DNAJC3: variants seen among roughly 807,000 people sequenced by gnomAD.
The protein encoded by DNAJC3 is dnaJ homolog subfamily C member 3.
In DNAJC3, 38 loss-of-function variants were observed where a neutral mutation model predicts 68.6. The observed-to-expected ratio is 0.55, with a 90% confidence interval of 0.43 to 0.73. DNAJC3 has a LOEUF of 0.73. Ranked by LOEUF, DNAJC3 falls within the 30% of genes least tolerant of loss-of-function variation. The pLI is 0.00. For synonymous variants in DNAJC3, 203 were observed against 204.0 expected, an observed-to-expected ratio of 1.00 and a Z score of 0.04; for missense variants, 526 against 591.9, an observed-to-expected ratio of 0.89 and a Z score of 1.16.
chr13:95,741,846 A>G (rs764744968), intron 4 of DNAJC3, among the ~76,000 whole-genome samples: 2 of 152,184 alleles, frequency 1.3e-5, no homozygotes, highest in Non-Finnish European at 2.9e-5. Context: ...GACTGGGCAG[A>G]GAAATCCTCA....
chr13:95,692,455 A>G (rs1349107981), intron 1 of DNAJC3: 2 of 152,030 alleles, frequency 1.3e-5, no homozygotes, highest in African/African-American at 4.8e-5. Flanking sequence ...TTGGTGCTCC[A>G]GTGTTGAGTG....
chr13:95,764,608 C>T (rs893201369), intron 9 of DNAJC3, among the ~76,000 whole-genome samples: 1 of 130,284 alleles, frequency 7.7e-6, no homozygotes, highest in African/African-American at 2.8e-5. Flanking sequence ...ATAACTACGG[C>T]GTATACAGTA....
chr13:95,753,357 G>C (rs1882546080), intron 4 of DNAJC3, among the ~76,000 whole-genome samples: 1 of 151,790 alleles, frequency 6.6e-6, no homozygotes, highest in Non-Finnish European at 1.5e-5. Context: ...TCAAATTAGT[G>C]TTATTTTTAT....
chr13:95,709,231 T>A lies in DNAJC3; in HGVS notation c.87T>A (p.Ala29=). 1 of 1,544,142 alleles carries A rather than the reference T, an allele frequency of 6.5e-7. No individual in the cohort carries two copies. Among genetic ancestry groups the A allele is most frequent in the Non-Finnish European group, 8.7e-7 (1 of 1,143,032 alleles). Residue 29 remains alanine (A), a synonymous_variant, in exon 2 of 12, where the codon GCT becomes GCA. Coordinates refer to ENST00000602402, the MANE Select transcript of DNAJC3 (RefSeq NM_006260.5). ...TGTTTTTAATTTTATTTTTAGGTGC[T>A]GAATGTGGAGTAAATGCAGATGTTG... ...LVLVDLQYEG[A]ECGVNADVEK...
chr13:95,683,676 C>T (rs1419929958), intron 1 of DNAJC3, among the ~76,000 whole-genome samples: 1 of 152,008 alleles, frequency 6.6e-6, no homozygotes, highest in East Asian at 1.9e-4. Flanking sequence ...CCTGTAATCC[C>T]AGCACTTTGG....
At position 95,789,914 on chromosome 13, in the gene DNAJC3, C is replaced by T. The variant is rs17879989; in HGVS notation, c.1358-959C>T. On this transcript the variant is annotated intron_variant, in intron 11 of 11. Transcript: ENST00000602402. ...AGCTTTTTTTCATATGATTGTTGGC[C>T]GCATATATGTCTTCTTTTGAGAAGT... 1.9e-3 allele frequency among the ~76,000 whole-genome samples: 291 copies of T among 151,878 alleles called. 6 individuals carry two copies. The highest frequency in any genetic ancestry group is 0.01 in the Middle Eastern group (3 of 294).
At position 95,709,262 on chromosome 13, in the gene DNAJC3, C is replaced by A; in HGVS notation, c.118C>A (p.His40Asn). 1.3e-6 allele frequency: 2 copies of A among 1,583,258 alleles called. No homozygotes were observed. Among genetic ancestry groups the A allele is most frequent in the Non-Finnish European group, 1.7e-6 (2 of 1,165,286 alleles). The part of the protein sequence containing the change: ...ECGVNADVEK[H>N]LELGKKLLAA... ...TGGAGTAAATGCAGATGTTGAGAAA[C>A]ATCTTGAATTGGGCAAGAAATTACT... Residue 40 changes from histidine to asparagine, a missense_variant, in exon 2 of 12, where the codon CAT (histidine) becomes AAT (asparagine). Physicochemically the swap from His to Asn is moderately conservative, Grantham distance 68. Transcript: ENST00000602402.
rs1339043073 is a variant in DNAJC3, at chr13:95,691,513, C to T, written c.82+14176C>T. On this transcript the variant is annotated intron_variant, in intron 1 of 11. Transcript: ENST00000602402. ...AGATGTGATGGCGGCCGGGAAGAGG[C>T]ACTCCTCACTTCCTAGATGGGATGG... 1.9e-4 allele frequency among the ~76,000 whole-genome samples: 28 copies of T among 151,332 alleles called. 2 individuals are homozygous for T. The highest frequency in any genetic ancestry group is 1.8e-3 in the Admixed American group (27 of 15,192).
At chr13:95,722,976 T>G (rs1881384351) in intron 2 of DNAJC3, among the ~76,000 whole-genome samples, 2 of 152,096 alleles carry the variant, frequency 1.3e-5, no homozygotes, top group Non-Finnish European at 2.9e-5. Flanking sequence ...TTCTTTTTTT[T>G]GGGCAACTTT....
chr13:95,774,801 G>C (rs1291630604), intron 9 of DNAJC3, among the ~76,000 whole-genome samples: 2 of 152,056 alleles, frequency 1.3e-5, no homozygotes, highest in Admixed American at 6.6e-5. Flanking sequence ...CTGCCTTCTT[G>C]ATCTTATTGT....
intron 5 of DNAJC3, among the ~76,000 whole-genome samples, chr13:95,759,696 T>C (rs768299839): frequency 5.3e-5 from 8 of 152,236 alleles, no homozygotes; most frequent in Non-Finnish European, 1.2e-4. Context: ...TCTTCAAATA[T>C]GCTTCACTAG....
At chr13:95,764,399 G>A (rs1197149367) in intron 9 of DNAJC3, among the ~76,000 whole-genome samples, 1 of 107,756 alleles carries the variant, frequency 9.3e-6, no homozygotes, top group Non-Finnish European at 1.9e-5. Context: ...ATATATACTC[G>A]GTGTGTATAA....
At chr13:95,745,017 A>G (rs1463468548) in intron 4 of DNAJC3, 1 of 152,188 alleles carries the variant, frequency 6.6e-6, no homozygotes, top group Non-Finnish European at 1.5e-5. Context: ...AAGTATTACG[A>G]GAGAAAAACA....
chr13:95,706,354 A>G (rs1457135998), intron 1 of DNAJC3, among the ~76,000 whole-genome samples: 2 of 152,208 alleles, frequency 1.3e-5, no homozygotes, highest in Non-Finnish European at 2.9e-5. Flanking sequence ...CTTTATAAGT[A>G]TATACATATA....
intron 2 of DNAJC3, among the ~76,000 whole-genome samples, chr13:95,720,981 C>A (rs893750639): frequency 6.6e-6 from 1 of 151,892 alleles, no homozygotes; most frequent in African/African-American, 2.4e-5. Context: ...CATTGTTGTG[C>A]AGTCATCACT....
At chr13:95,750,121 A>G (rs758971947) in intron 4 of DNAJC3, among the ~76,000 whole-genome samples, 26 of 152,246 alleles carry the variant, frequency 1.7e-4, no homozygotes, top group African/African-American at 6.3e-4. Context: ...GATGTCTCCA[A>G]TCGAACGCCT....
At chr13:95,737,651 T>C (rs1374259078) in intron 4 of DNAJC3, among the ~76,000 whole-genome samples, 1 of 151,936 alleles carries the variant, frequency 6.6e-6, no homozygotes, top group Non-Finnish European at 1.5e-5. Context: ...TGTATTGCTG[T>C]GGGATCGGTG....
At chr13:95,763,559 C>T (rs1218266966) in intron 7 of DNAJC3, 84 bp from the exon 8 acceptor site, 6 of 1,309,436 alleles carry the variant, frequency 4.6e-6, no homozygotes, top group Non-Finnish European at 6.4e-6. Flanking sequence ...GATTAAGCAA[C>T]ACATGGTGAA....
At chr13:95,757,512 A>G in intron 4 of DNAJC3, 132 bp from the exon 5 acceptor site, 1 of 927,972 alleles carries the variant, frequency 1.1e-6, no homozygotes, top group Non-Finnish European at 1.5e-6. Context: ...CAGACAAGCC[A>G]GTTTTTCCAG....
Sources: gnomAD v4.1 joint callset for allele counts (sites outside exome capture counted in the v4.1 genomes callset) on GRCh38, gnomAD v4.1.1 for gene constraint, MANE v1.5 for transcripts, NCBI Gene and HGNC (gene_info 2026-07-23, HGNC 2026-07-21) for gene names.